The following STAU1 variants were observed in gnomAD, a reference collection of about 807,000 sequenced individuals.
The protein encoded by STAU1 is staufen double-stranded RNA binding protein 1, also known as double-stranded RNA-binding protein Staufen homolog 1.
Under a neutral mutation model 62.9 loss-of-function variants are expected in STAU1, and 13 were observed. That is an observed-to-expected ratio of 0.21 (90% CI 0.13 to 0.33). STAU1 has a LOEUF of 0.33. Ranked by LOEUF, STAU1 falls within the 10% of genes least tolerant of loss-of-function variation. The pLI is 1.00. For synonymous variants in STAU1, 269 were observed against 265.1 expected, an observed-to-expected ratio of 1.01 and a Z score of -0.14; for missense variants, 571 against 712.1, an observed-to-expected ratio of 0.80 and a Z score of 2.25.
chr20:49,199,697 C>G, the STAU1 span, among the ~76,000 whole-genome samples: 308 of 151,786 alleles, frequency 2.0e-3, 1 homozygote, highest in African/African-American at 7.1e-3. Flanking sequence ...CTCAGCCTCC[C>G]GAGTAGCTGG....
chr20:49,194,953 AT>A, the STAU1 span, among the ~76,000 whole-genome samples: 182 of 152,130 alleles, frequency 1.2e-3, 2 homozygotes, highest in Non-Finnish European at 2.0e-3. Context: ...AAAAAAAAAA[AT>A]AATAATAACG....
intron 6 of STAU1, chr20:49,134,911 T>C (rs1406805347): frequency 6.3e-7 from 1 of 1,592,582 alleles, no homozygotes; most frequent in African/African-American, 1.3e-5. Flanking sequence ...GACTGAGACT[T>C]TGTGAGGAAG....
At chr20:49,212,547 G>A in the STAU1 span, among the ~76,000 whole-genome samples, 2 of 147,586 alleles carry the variant, frequency 1.4e-5, no homozygotes, top group African/African-American at 5.0e-5. Context: ...TGTTTGGTTT[G>A]TAGTTGTTGA....
chr20:49,126,314 C>T lies in STAU1; in HGVS notation c.610-1727G>A, dbSNP rs573888004. ...GGGTGGCTCATGCCTGTAATCCCAA[C>T]GCTCTGGGAGGCCAGGGTGGGAGGA... On this transcript the variant is annotated intron_variant, in intron 6 of 13. Coordinates refer to ENST00000371856, the MANE Select transcript of STAU1 (RefSeq NM_017453.4). Among the ~76,000 whole-genome samples, 31 of 151,798 alleles carry T rather than the reference C, an allele frequency of 2.0e-4. 1 individual carries two copies. Among genetic ancestry groups the T allele is most frequent in the African/African-American group, 6.1e-4 (25 of 41,242 alleles).
chr20:49,165,482 T>C (rs1271405092), intron 3 of STAU1, among the ~76,000 whole-genome samples: 1 of 151,664 alleles, frequency 6.6e-6, no homozygotes, highest in African/African-American at 2.4e-5. Context: ...GTTATGGGCG[T>C]GCATCACCAA....
intron 4 of STAU1, among the ~76,000 whole-genome samples, chr20:49,152,447 G>A (rs561667962): frequency 1.4e-5 from 2 of 147,196 alleles, no homozygotes; most frequent in Non-Finnish European, 3.0e-5. Context: ...GGGTTCAAGC[G>A]ATTCTCCTGC....
At chr20:49,219,236 C>G in the STAU1 span, 1 of 1,061,588 alleles carries the variant, frequency 9.4e-7, no homozygotes, top group African/African-American at 1.6e-5. Flanking sequence ...ATTTGCTTAC[C>G]TAAAAAGCTC....
intron 1 of STAU1, among the ~76,000 whole-genome samples, chr20:49,179,593 A>C (rs2093700136): frequency 1.3e-5 from 2 of 152,222 alleles, no homozygotes; most frequent in African/African-American, 4.8e-5. Flanking sequence ...TTTCTGACAG[A>C]GGAAAGGACT....
chr20:49,155,834 GTA>G (rs2093348901), intron 3 of STAU1, among the ~76,000 whole-genome samples: 1 of 152,198 alleles, frequency 6.6e-6, no homozygotes, highest in African/African-American at 2.4e-5. Flanking sequence ...CATGAAGAAA[GTA>G]TACTGCAAAG....
chr20:49,150,882 A>G (rs1364196214), intron 5 of STAU1, among the ~76,000 whole-genome samples: 3 of 152,078 alleles, frequency 2.0e-5, no homozygotes, highest in Non-Finnish European at 4.4e-5. Context: ...TCCATAGGTC[A>G]CCCAGGGATG....
the STAU1 span, among the ~76,000 whole-genome samples, chr20:49,197,326 G>T: frequency 6.7e-6 from 1 of 148,804 alleles, no homozygotes; most frequent in East Asian, 1.9e-4. Context: ...CAGATTTGGA[G>T]AAAACATTTG....
At chr20:49,197,379 T>C in the STAU1 span, among the ~76,000 whole-genome samples, 1 of 149,476 alleles carries the variant, frequency 6.7e-6, no homozygotes, top group Non-Finnish European at 1.5e-5. Flanking sequence ...TATATACATA[T>C]ACATAATTTT....
chr20:49,153,543 T>TA (rs1412444084), intron 4 of STAU1, among the ~76,000 whole-genome samples: 9 of 124,742 alleles, frequency 7.2e-5, no homozygotes, highest in Non-Finnish European at 1.4e-4. Flanking sequence ...CCGTCTCTAC[T>TA]AAAAAATACA....
chr20:49,205,291 A>C, the STAU1 span, among the ~76,000 whole-genome samples: 1 of 151,304 alleles, frequency 6.6e-6, no homozygotes, highest in African/African-American at 2.4e-5. Context: ...GTTACTTCTC[A>C]TTACGCACAC....
chr20:49,126,588 C>CAAAACAAAAAA (rs1555837253), intron 6 of STAU1, among the ~76,000 whole-genome samples: 1 of 56,346 alleles, frequency 1.8e-5, no homozygotes, highest in Non-Finnish European at 3.7e-5. Context: ...AAAAAAAAAA[C>CAAAACAAAAAA]AAAAAAAAAA....
At chr20:49,206,717 TTTTATATA>T in the STAU1 span, among the ~76,000 whole-genome samples, 10 of 45,146 alleles carry the variant, frequency 2.2e-4, no homozygotes, top group South Asian at 2.4e-3. Flanking sequence ...TTAAATGAAA[TTTTATATA>T]TATATATATA....
chr20:49,193,680 A>G, the STAU1 span, among the ~76,000 whole-genome samples: 4 of 72,048 alleles, frequency 5.6e-5, no homozygotes, highest in East Asian at 1.0e-3. Flanking sequence ...CCGTCTCAAA[A>G]AAACGGGCCG....
the STAU1 span, among the ~76,000 whole-genome samples, chr20:49,204,177 G>T: frequency 6.6e-6 from 1 of 151,238 alleles, no homozygotes; most frequent in Non-Finnish European, 1.5e-5. Context: ...AAGCTGGAGT[G>T]CGGTGGCATG....
At chr20:49,136,999 C>T (rs1229796671) in intron 5 of STAU1, among the ~76,000 whole-genome samples, 15 of 152,010 alleles carry the variant, frequency 9.9e-5, no homozygotes, top group Admixed American at 9.8e-4. Context: ...CGGCGGGAAA[C>T]CACTTTAAGA....
Sources: allele counts gnomAD v4.1 joint callset (sites outside exome capture counted in the v4.1 genomes callset), GRCh38; gene constraint gnomAD v4.1.1; transcripts MANE v1.5; gene names NCBI Gene and HGNC (gene_info 2026-07-23, HGNC 2026-07-21).